FIGLA: variants seen among roughly 807,000 people sequenced by gnomAD.
FIGLA encodes factor in the germline alpha.
A neutral mutation model predicts 21.5 loss-of-function variants in FIGLA; 17 were observed. The observed-to-expected ratio is 0.79, with a 90% CI of 0.54 to 1.19. The LOEUF (loss-of-function observed/expected upper bound fraction) is 1.19, where lower values mean the gene tolerates loss of function less well. FIGLA is among the 50% of genes most tolerant of loss of function. The pLI is 0.00. For synonymous variants in FIGLA, 129 were observed against 117.6 expected (o/e 1.10, Z -0.63); for missense variants, 282 against 285.0 (o/e 0.99, Z 0.08).
intron 1 of FIGLA, among the ~76,000 whole-genome samples, chr2:70,788,507 A>G (rs952462879): frequency 2.0e-5 from 3 of 152,154 alleles, no homozygotes; most frequent in Non-Finnish European, 4.4e-5. Context: ...CTGAAGGCCT[A>G]TAATTCTGAT....
intron 1 of FIGLA, 95 bp from the exon 2 acceptor site, chr2:70,787,896 G>C (rs1280879867): frequency 3.5e-5 from 45 of 1,294,980 alleles, no homozygotes; most frequent in Non-Finnish European, 4.7e-5. Context: ...CTGCCTCCTT[G>C]TCTGAGTGGC....
chr2:70,779,428 G>C (rs1174902634), intron 3 of FIGLA, among the ~76,000 whole-genome samples: 1 of 152,204 alleles, frequency 6.6e-6, no homozygotes, highest in East Asian at 1.9e-4. Context: ...GGGAATGTGA[G>C]GTGGAAGACA....
At chr2:70,787,567 A>G (rs1414976110) in intron 2 of FIGLA, 82 bp downstream of exon 2, 30 of 1,337,508 alleles carry the variant, frequency 2.2e-5, no homozygotes, top group Non-Finnish European at 3.0e-5. Flanking sequence ...AAGTATACAT[A>G]TATCACTTGG....
chr2:70,787,340 C>T (rs1468429240), intron 2 of FIGLA, among the ~76,000 whole-genome samples: 1 of 152,200 alleles, frequency 6.6e-6, no homozygotes, highest in African/African-American at 2.4e-5. Context: ...CTGTAGAAAT[C>T]CTATCAAAGA....
Position 70,785,616 on chromosome 2 carries a change from G to A in FIGLA, c.408C>T (p.Ser136=). ...DSKKQDPDEQ[S]YSNNSSESHT... is the part of the protein sequence containing the mutation. Reference sequence around the variant, plus strand: ...GTGATTCAGAACTGTTGTTACTATAGCTCTGCTCATCTGGGTCTTGTTTCT... The same window carrying A: ...GTGATTCAGAACTGTTGTTACTATAACTCTGCTCATCTGGGTCTTGTTTCT... The change falls in exon 3 of 5, where the codon AGC becomes AGT. Residue 136 remains serine, a synonymous_variant. Transcript: ENST00000332372. 5.6e-6 allele frequency: 9 copies of A among 1,613,820 alleles called. No individual in the cohort carries two copies. Among genetic ancestry groups the A allele is most frequent in the Non-Finnish European group, 7.6e-6 (9 of 1,179,748 alleles).
At chr2:70,785,374 G>A (rs201470550) in intron 3 of FIGLA, 41 bp downstream of exon 3, 3 of 1,456,040 alleles carry the variant, frequency 2.1e-6, no homozygotes, top group Non-Finnish European at 2.9e-6. Context: ...ACATTTTAAG[G>A]TTCTGATATC....
Position 70,779,857 on chromosome 2 carries a change from G to A in FIGLA, c.610-2186C>T, listed in dbSNP as rs73940133. 8.9e-3 allele frequency among the ~76,000 whole-genome samples: 1,358 copies of A among 152,226 alleles called. 24 individuals are homozygous for A. The highest frequency in any genetic ancestry group is 0.031 in the African/African-American group (1,287 of 41,532). ...CAAAATTTAGAGCCATGCATAATAT[G>A]AAATGCCAGAACCATAACCACGAGT... On this transcript the variant is annotated intron_variant, in intron 3 of 4. Coordinates refer to ENST00000332372, the MANE Select transcript of FIGLA (RefSeq NM_001004311.3).
Position 70,777,636 on chromosome 2 carries a change from C to A in FIGLA, c.644+1G>T. 1 of 1,598,102 alleles carries A rather than the reference C, an allele frequency of 6.3e-7. No homozygotes were observed. The highest frequency in any genetic ancestry group is 8.6e-7 in the Non-Finnish European group (1 of 1,169,252). On this transcript the variant is annotated splice_donor_variant, in intron 4 of 4. Coordinates refer to ENST00000332372, the MANE Select transcript of FIGLA (RefSeq NM_001004311.3). LOFTEE classifies it high-confidence loss of function. ...ATGCATCAGGTTATAGAATGACCTA[C>A]CTGTGACTCAGCAGTTCTACTTCTG...
intron 3 of FIGLA, among the ~76,000 whole-genome samples, chr2:70,778,105 C>T (rs1399897239): frequency 6.6e-6 from 1 of 152,178 alleles, no homozygotes; most frequent in East Asian, 1.9e-4. Flanking sequence ...TTTAACTTAG[C>T]CTTAAACATT....
chr2:70,778,429 C>CA (rs1286881967), intron 3 of FIGLA, among the ~76,000 whole-genome samples: 1 of 151,936 alleles, frequency 6.6e-6, no homozygotes, highest in Non-Finnish European at 1.5e-5. Context: ...TTCCACTATA[C>CA]AAGTGATCAA....
intron 3 of FIGLA, among the ~76,000 whole-genome samples, chr2:70,780,538 C>G (rs1244023560): frequency 6.6e-6 from 1 of 152,130 alleles, no homozygotes; most frequent in Non-Finnish European, 1.5e-5. Flanking sequence ...TCCTTGGACC[C>G]TTTTTATCTT....
rs782425122 is a variant in FIGLA, at chr2:70,785,604, GT to G, written c.419del (p.Asn140ThrfsTer27). On this transcript the variant is annotated frameshift_variant, in exon 3 of 5. Coordinates refer to ENST00000332372, the MANE Select transcript of FIGLA (RefSeq NM_001004311.3). LOFTEE classifies it high-confidence loss of function. ...CCGAGGATGTATGTGATTCAGAACT[GT>G]TGTTACTATAGCTCTGCTCATCTGG... ...QDPDEQSYSN[N>X]SSESHTSSAR... is the part of the protein sequence containing the mutation. 2.5e-6 allele frequency: 4 copies of G among 1,613,936 alleles called. No individual in the cohort carries two copies. In the Admixed American group the frequency reaches 6.7e-5, roughly 27 times the overall value.
chr2:70,790,314 G>C, intron 1 of FIGLA, 94 bp downstream of exon 1: 5 of 1,329,094 alleles, frequency 3.8e-6, no homozygotes, highest in Non-Finnish European at 4.9e-6. Context: ...CCTCGAGCGG[G>C]GGTGGGCGGT....
chr2:70,779,920 C>A (rs1675823858), intron 3 of FIGLA, among the ~76,000 whole-genome samples: 1 of 152,174 alleles, frequency 6.6e-6, no homozygotes, highest in Non-Finnish European at 1.5e-5. Context: ...AGACAGCGAA[C>A]AGCCTGCCAT....
intron 3 of FIGLA, among the ~76,000 whole-genome samples, chr2:70,784,152 A>G (rs1553389525): frequency 6.6e-6 from 1 of 152,182 alleles, no homozygotes; most frequent in African/African-American, 2.4e-5. Flanking sequence ...ATCCTAGAAC[A>G]CAATTAATCT....
At chr2:70,786,468 T>C (rs1184301661) in intron 2 of FIGLA, among the ~76,000 whole-genome samples, 2 of 150,456 alleles carry the variant, frequency 1.3e-5, no homozygotes, top group Non-Finnish European at 2.9e-5. Flanking sequence ...CACGCCCGGC[T>C]AATTTTTTTG....
chr2:70,778,343 T>G (rs941742135), intron 3 of FIGLA, among the ~76,000 whole-genome samples: 19 of 152,222 alleles, frequency 1.2e-4, no homozygotes, highest in Non-Finnish European at 2.6e-4. Context: ...TAGGTTAATA[T>G]GTATACACTG....
In FIGLA at chr2:70,785,446, G is replaced by A. The variant is rs372477032; in HGVS notation, c.578C>T (p.Thr193Met). ...TCTGGTTGGGGAGATAATTTCAGTC[G>A]TAGACATCACACTGTGGCGACAAGC... Reference protein sequence around the residue: ...AHACRHSVMSTTEIISPTRSL... With the variant: ...AHACRHSVMSMTEIISPTRSL... Residue 193 changes from threonine to methionine, a missense_variant, in exon 3 of 5, where the codon ACG becomes ATG. Thr to Met is a moderately conservative substitution (Grantham distance 81, BLOSUM62 -1). Coordinates refer to ENST00000332372, the MANE Select transcript of FIGLA (RefSeq NM_001004311.3). The A allele has an allele frequency of 1.1e-5, 18 of 1,613,518 alleles. No homozygotes were observed. The highest frequency in any genetic ancestry group is 5.3e-5 in the African/African-American group (4 of 74,924).
At chr2:70,786,250 G>A (rs1378096830) in intron 2 of FIGLA, among the ~76,000 whole-genome samples, 16 of 149,602 alleles carry the variant, frequency 1.1e-4, no homozygotes, top group African/African-American at 3.5e-4. Context: ...TTTTGGCAGG[G>A]GGTGCAGGGA....
Sources: gnomAD v4.1 joint callset for allele counts (sites outside exome capture counted in the v4.1 genomes callset) on GRCh38, gnomAD v4.1.1 for gene constraint, MANE v1.5 for transcripts, NCBI Gene and HGNC (gene_info 2026-07-23, HGNC 2026-07-21) for gene names.